The following LGSN variants were observed in gnomAD, a reference collection of about 807,000 sequenced individuals.
The protein encoded by LGSN is lengsin.
A neutral mutation model predicts 19.5 loss-of-function variants in LGSN; 21 were observed. The ratio of observed to expected loss-of-function variants is 1.07; its 90% CI spans 0.76 to 1.55. LGSN has a LOEUF of 1.55. LGSN is among the 40% of genes most tolerant of loss of function. The pLI is 0.00. For synonymous variants in LGSN, 257 were observed against 215.6 expected, an observed-to-expected ratio of 1.19 and a Z score of -1.68; for missense variants, 673 against 608.5, an observed-to-expected ratio of 1.11 and a Z score of -1.12.
At chr6:63,514,450 A>C in the LGSN span, among the ~76,000 whole-genome samples, 1 of 151,770 alleles carries the variant, frequency 6.6e-6, no homozygotes, top group Non-Finnish European at 1.5e-5. Context: ...CTGGTCTTGA[A>C]CTCCTGACCC....
the LGSN span, among the ~76,000 whole-genome samples, chr6:63,438,136 G>C: frequency 6.6e-6 from 1 of 152,100 alleles, no homozygotes; most frequent in East Asian, 1.9e-4. Flanking sequence ...TTTTTGGCCA[G>C]GTGCGGTGGC....
At chr6:63,519,069 C>CT in the LGSN span, among the ~76,000 whole-genome samples, 5 of 152,300 alleles carry the variant, frequency 3.3e-5, no homozygotes, top group South Asian at 8.3e-4. Context: ...AATCCCAACA[C>CT]TTTGAGAGGC....
the LGSN span, among the ~76,000 whole-genome samples, chr6:63,513,595 T>C: frequency 5.3e-5 from 8 of 152,044 alleles, no homozygotes; most frequent in Non-Finnish European, 8.8e-5. Flanking sequence ...TGGTTCTTAA[T>C]GTTGTTTTTG....
chr6:63,456,687 G>A, the LGSN span, among the ~76,000 whole-genome samples: 1 of 151,966 alleles, frequency 6.6e-6, no homozygotes, highest in African/African-American at 2.4e-5. Flanking sequence ...TTGGGCTATG[G>A]GTCTGTCACC....
chr6:63,393,175 C>T, the LGSN span, among the ~76,000 whole-genome samples: 1 of 147,964 alleles, frequency 6.8e-6, no homozygotes, highest in African/African-American at 2.5e-5. Flanking sequence ...GCTGAGCCAC[C>T]GCGCCCAGCC....
the LGSN span, among the ~76,000 whole-genome samples, chr6:63,546,128 T>C: frequency 6.6e-6 from 1 of 152,174 alleles, no homozygotes; most frequent in African/African-American, 2.4e-5. Context: ...AATGTAGATT[T>C]TAAAATGTGG....
At chr6:63,473,624 C>T in the LGSN span, among the ~76,000 whole-genome samples, 1 of 151,672 alleles carries the variant, frequency 6.6e-6, no homozygotes, top group Non-Finnish European at 1.5e-5. Flanking sequence ...TTAATAGATT[C>T]TATATCAATT....
chr6:63,539,473 C>T, the LGSN span, among the ~76,000 whole-genome samples: 2 of 152,008 alleles, frequency 1.3e-5, no homozygotes, highest in African/African-American at 4.8e-5. Context: ...AACAGGAAAT[C>T]TAAAAGAAAA....
chr6:63,549,103 G>A, the LGSN span: 1 of 704,448 alleles, frequency 1.4e-6, no homozygotes, highest in South Asian at 1.5e-5. Context: ...CCTGCTCGAA[G>A]GACAGGTGGT....
At chr6:63,475,039 C>T in the LGSN span, among the ~76,000 whole-genome samples, 7 of 152,112 alleles carry the variant, frequency 4.6e-5, no homozygotes, top group East Asian at 1.9e-4. Context: ...CCATTGTAGA[C>T]GTTCAACTAA....
chr6:63,324,169 A>G (rs1181652117), upstream of LGSN, among the ~76,000 whole-genome samples: 1 of 152,200 alleles, frequency 6.6e-6, no homozygotes, highest in Non-Finnish European at 1.5e-5. Flanking sequence ...ATAGAGTCTT[A>G]CCATTACTGT....
chr6:63,474,564 A>G, the LGSN span, among the ~76,000 whole-genome samples: 8 of 148,774 alleles, frequency 5.4e-5, no homozygotes, highest in African/African-American at 7.5e-5. Flanking sequence ...AGACAAGATC[A>G]CACCACTGCA....
At chr6:63,456,393 A>ATATATATATATATATATAT in the LGSN span, among the ~76,000 whole-genome samples, 2 of 102,758 alleles carry the variant, frequency 1.9e-5, no homozygotes, top group Non-Finnish European at 3.7e-5. Context: ...ATATATATAT[A>ATATATATATATATATATAT]CTTTTTTTTT....
chr6:63,415,511 G>A, the LGSN span, among the ~76,000 whole-genome samples: 3 of 152,198 alleles, frequency 2.0e-5, no homozygotes, highest in Admixed American at 2.0e-4. Context: ...AGGGGAAAGA[G>A]CCCCTGACAA....
At chr6:63,323,447 A>T (rs1396969730), upstream of LGSN, among the ~76,000 whole-genome samples, 1 of 151,886 alleles carries the variant, frequency 6.6e-6, no homozygotes, top group African/African-American at 2.4e-5. Context: ...TTATAACACC[A>T]TTAATTTTAA....
At chr6:63,390,377 G>T in the LGSN span, among the ~76,000 whole-genome samples, 1 of 151,468 alleles carries the variant, frequency 6.6e-6, no homozygotes, top group African/African-American at 2.4e-5. Context: ...TGATCCACCT[G>T]CCTTGGCCTC....
At chr6:63,519,863 A>G in the LGSN span, among the ~76,000 whole-genome samples, 1 of 152,236 alleles carries the variant, frequency 6.6e-6, no homozygotes, top group Non-Finnish European at 1.5e-5. Flanking sequence ...AATAAAAACC[A>G]TTCTGTTCAG....
the LGSN span, among the ~76,000 whole-genome samples, chr6:63,470,205 C>T: frequency 1.3e-5 from 2 of 151,940 alleles, no homozygotes; most frequent in African/African-American, 4.8e-5. Flanking sequence ...CAGTAGCTCA[C>T]ACCTGTAATC....
chr6:63,444,056 G>A, the LGSN span, among the ~76,000 whole-genome samples: 99 of 152,198 alleles, frequency 6.5e-4, no homozygotes, highest in Non-Finnish European at 1.1e-3. Context: ...ACTCATAATA[G>A]GAGTCACCCA....
Sources: allele counts gnomAD v4.1 joint callset (sites outside exome capture counted in the v4.1 genomes callset), GRCh38; gene constraint gnomAD v4.1.1; transcripts MANE v1.5; gene names NCBI Gene and HGNC (gene_info 2026-07-23, HGNC 2026-07-21).